The following PATJ variants were observed in gnomAD, a reference collection of about 807,000 sequenced individuals.
PATJ encodes PATJ crumbs cell polarity complex component.
In PATJ, 190 loss-of-function variants were observed where a neutral mutation model predicts 224.9. The observed-to-expected ratio is 0.84, with a 90% CI of 0.75 to 0.95. PATJ has a LOEUF of 0.95. PATJ is among the 40% of genes least tolerant of loss of function. The pLI is 0.00. For synonymous variants in PATJ, 769 were observed against 820.3 expected, an observed-to-expected ratio of 0.94 and a Z score of 1.07; for missense variants, 2,121 against 2,270.3, an observed-to-expected ratio of 0.93 and a Z score of 1.34.
At chr1:61,950,869 T>C (rs1679555855) in intron 27 of PATJ, among the ~76,000 whole-genome samples, 1 of 152,160 alleles carries the variant, frequency 6.6e-6, no homozygotes, top group Non-Finnish European at 1.5e-5. Flanking sequence ...TAAAATAGGC[T>C]GACACAGTGT....
intron 12 of PATJ, among the ~76,000 whole-genome samples, chr1:61,805,108 A>G (rs570163187): frequency 6.6e-6 from 1 of 152,346 alleles, no homozygotes; most frequent in Non-Finnish European, 1.5e-5. Flanking sequence ...GCAAAGCCAC[A>G]TGCATTTTAC....
chr1:61,837,659 G>A (rs61770140), intron 17 of PATJ, among the ~76,000 whole-genome samples: 17,881 of 151,954 alleles, frequency 0.12, 1,181 homozygotes, highest in South Asian at 0.24. Flanking sequence ...GCGTGGTGGT[G>A]CATGCCTGTA....
intron 17 of PATJ, among the ~76,000 whole-genome samples, chr1:61,852,156 A>G (rs1192073872): frequency 6.6e-6 from 1 of 151,562 alleles, no homozygotes; most frequent in Non-Finnish European, 1.5e-5. Context: ...TGTAGGGTAC[A>G]ACTTTCAGAA....
At chr1:62,149,568 T>G (rs956282962) in intron 42 of PATJ, among the ~76,000 whole-genome samples, 1 of 150,338 alleles carries the variant, frequency 6.7e-6, no homozygotes, top group African/African-American at 2.5e-5. Context: ...TGACAACACA[T>G]AGAAATATAA....
chr1:61,950,391 G>T (rs1290622407), intron 27 of PATJ, among the ~76,000 whole-genome samples: 1 of 152,100 alleles, frequency 6.6e-6, no homozygotes, highest in East Asian at 1.9e-4. Flanking sequence ...ACTAGAATCT[G>T]GTTCTCATTT....
chr1:61,912,429 A>G (rs1292538776), intron 25 of PATJ, among the ~76,000 whole-genome samples: 5 of 151,704 alleles, frequency 3.3e-5, no homozygotes, highest in African/African-American at 1.2e-4. Flanking sequence ...CCCTGTCTCT[A>G]TTAAAAATAG....
chr1:62,132,811 G>T (rs1477706520), intron 41 of PATJ, among the ~76,000 whole-genome samples: 1 of 151,956 alleles, frequency 6.6e-6, no homozygotes, highest in East Asian at 1.9e-4. Flanking sequence ...GGCTGGGGTG[G>T]GAGGATTGCT....
intron 26 of PATJ, among the ~76,000 whole-genome samples, chr1:61,924,767 T>C (rs1228247333): frequency 6.6e-6 from 1 of 152,232 alleles, no homozygotes; most frequent in Non-Finnish European, 1.5e-5. Flanking sequence ...TAAGGACTTT[T>C]CTTTCTCCAG....
chr1:62,120,782 A>C (rs1202151967), intron 37 of PATJ: 1 of 165,840 alleles, frequency 6.0e-6, no homozygotes, highest in African/African-American at 2.4e-5. Context: ...AATACATAAT[A>C]CATTTTGGGT....
At chr1:61,947,862 CAG>C (rs1285540571) in intron 27 of PATJ, among the ~76,000 whole-genome samples, 7 of 152,148 alleles carry the variant, frequency 4.6e-5, no homozygotes, top group Admixed American at 6.5e-5. Flanking sequence ...GGTACCAAAA[CAG>C]AGATATAGAC....
In PATJ at chr1:61,914,569, CT is replaced by C. The variant is rs746639836; in HGVS notation, c.3493-11del. 42 of 1,318,436 alleles carry C rather than the reference CT, an allele frequency of 3.2e-5. No individual in the cohort carries two copies. Among genetic ancestry groups the C allele is most frequent in the East Asian group, 4.7e-5 (2 of 42,142 alleles). The allele number at this position is 1,318,436 out of a possible 1,614,324, so 81.7% of individuals were successfully genotyped here. On this transcript the variant is annotated splice_polypyrimidine_tract_variant and intron_variant, in intron 25 of 43. Transcript: ENST00000642238. The stretch of plus-strand genomic sequence containing the variant: ...TTTAAACGTTTTCTTCCCCCCACCC[CT>C]TTTTTTGTCACCATAGGTCATTCCT...
Position 61,758,145 on chromosome 1 carries a change from C to G in PATJ, c.-35-4713C>G, listed in dbSNP as rs181168297. ...AAATCTTACCCAACTCCAAACCTTACTCATGATTCAGAGGTTACAGGCAGA... is the reference window on the plus strand; with the variant it reads ...AAATCTTACCCAACTCCAAACCTTAGTCATGATTCAGAGGTTACAGGCAGA... On this transcript the variant is annotated intron_variant, in intron 1 of 43. Coordinates refer to ENST00000642238, the MANE Select transcript of PATJ (RefSeq NM_001350145.3). 1.4e-3 allele frequency among the ~76,000 whole-genome samples: 207 copies of G among 152,302 alleles called. 1 individual carries two copies. The highest frequency in any genetic ancestry group is 4.8e-3 in the African/African-American group (200 of 41,572).
At chr1:61,757,838 A>G (rs1164680693) in intron 1 of PATJ, among the ~76,000 whole-genome samples, 1 of 151,514 alleles carries the variant, frequency 6.6e-6, no homozygotes, top group Non-Finnish European at 1.5e-5. Flanking sequence ...TTTTTTTGAT[A>G]TGTATGTCTA....
At chr1:61,813,356 T>TATATATATATAG (rs1655280292) in intron 14 of PATJ, among the ~76,000 whole-genome samples, 1 of 49,376 alleles carries the variant, frequency 2.0e-5, no homozygotes. Context: ...TATATATATA[T>TATATATATATAG]ATATATATAT....
chr1:62,031,501 A>ATT (rs1649284881), intron 29 of PATJ, among the ~76,000 whole-genome samples: 2 of 152,236 alleles, frequency 1.3e-5, no homozygotes, highest in Non-Finnish European at 2.9e-5. Flanking sequence ...TGCAGTTAAT[A>ATT]CAGTGAGCAG....
intron 20 of PATJ, among the ~76,000 whole-genome samples, chr1:61,868,411 T>C (rs1665743700): frequency 6.6e-6 from 1 of 152,244 alleles, no homozygotes; most frequent in Non-Finnish European, 1.5e-5. Context: ...ACAATATTTT[T>C]CTTTTGTGTC....
intron 28 of PATJ, among the ~76,000 whole-genome samples, chr1:62,010,107 A>C (rs1423801460): frequency 6.6e-6 from 1 of 151,578 alleles, no homozygotes; most frequent in Non-Finnish European, 1.5e-5. Flanking sequence ...GAAAGAAAGA[A>C]AGAAACCAGT....
Position 62,161,105 on chromosome 1 carries a change from C to T in PATJ, c.*51C>T. 7.4e-7 allele frequency: 1 copy of T among 1,351,478 alleles called. No individual in the cohort carries two copies. Among genetic ancestry groups the T allele is most frequent in the South Asian group, 2.0e-5 (1 of 49,092 alleles). The allele number at this position is 1,351,478 out of a possible 1,614,324, so 83.7% of individuals were successfully genotyped here. On this transcript the variant is annotated 3_prime_UTR_variant, in exon 44 of 44. Coordinates refer to ENST00000642238, the MANE Select transcript of PATJ (RefSeq NM_001350145.3). ...TGTTGTTGTTTAGAATATCCACAGG[C>T]AGATGAAGTTCTGAGTGGGTATGAA...
chr1:61,905,802 G>A (rs1267742910), intron 24 of PATJ, among the ~76,000 whole-genome samples: 1 of 152,078 alleles, frequency 6.6e-6, no homozygotes, highest in Non-Finnish European at 1.5e-5. Context: ...GACCAGATGT[G>A]TGGGGGTTTA....
Sources: allele counts gnomAD v4.1 joint callset (sites outside exome capture counted in the v4.1 genomes callset), GRCh38; gene constraint gnomAD v4.1.1; transcripts MANE v1.5; gene names NCBI Gene and HGNC (gene_info 2026-07-23, HGNC 2026-07-21).